The following RNF150 variants were observed in gnomAD, a reference collection of about 807,000 sequenced individuals.
RNF150 encodes the protein ring finger protein 150.
A neutral mutation model predicts 39.3 loss-of-function variants in RNF150; 24 were observed. The observed-to-expected ratio is 0.61, with a 90% CI of 0.44 to 0.86. The LOEUF (loss-of-function observed/expected upper bound fraction) is 0.86, where lower values mean the gene tolerates loss of function less well. Ranked by LOEUF, RNF150 falls within the 40% of genes least tolerant of loss-of-function variation. The pLI, the probability that RNF150 is intolerant of heterozygous loss-of-function variation, is 0.00. For synonymous variants in RNF150, 255 were observed against 227.3 expected, an observed-to-expected ratio of 1.12 and a Z score of -1.10; for missense variants, 502 against 587.8, an observed-to-expected ratio of 0.85 and a Z score of 1.51.
intron 1 of RNF150, among the ~76,000 whole-genome samples, chr4:141,189,798 C>T (rs946274405): frequency 6.6e-6 from 1 of 152,274 alleles, no homozygotes; most frequent in African/African-American, 2.4e-5. Context: ...GTGCTGGCAG[C>T]GAGAATTTCA....
chr4:141,100,632 A>G (rs1276141314), intron 1 of RNF150, among the ~76,000 whole-genome samples: 3 of 152,200 alleles, frequency 2.0e-5, no homozygotes, highest in Non-Finnish European at 2.9e-5. Context: ...TAAGGGTACT[A>G]TACAAAGAGG....
intron 4 of RNF150, among the ~76,000 whole-genome samples, chr4:140,932,143 C>T (rs1578980313): frequency 6.6e-6 from 1 of 152,186 alleles, no homozygotes; most frequent in African/African-American, 2.4e-5. Flanking sequence ...CACTCAGGTA[C>T]CTGAGAATCC....
intron 1 of RNF150, among the ~76,000 whole-genome samples, chr4:141,032,057 C>T (rs370495762): frequency 1.6e-4 from 24 of 150,044 alleles, no homozygotes; most frequent in African/African-American, 2.5e-4. Context: ...CATATATATA[C>T]ACACACACAC....
chr4:140,946,084 T>C (rs1031747033), intron 4 of RNF150, among the ~76,000 whole-genome samples: 5 of 152,350 alleles, frequency 3.3e-5, no homozygotes, highest in Non-Finnish European at 5.9e-5. Context: ...TGAAGGAAAT[T>C]ACCAAATCTT....
chr4:141,051,924 TG>T (rs903609926), intron 1 of RNF150, among the ~76,000 whole-genome samples: 50 of 152,232 alleles, frequency 3.3e-4, no homozygotes, highest in African/African-American at 1.1e-3. Context: ...TACCTGAGGC[TG>T]GGAAGAAAAA....
At chr4:141,017,677 C>T (rs1489951559) in intron 1 of RNF150, among the ~76,000 whole-genome samples, 1 of 152,192 alleles carries the variant, frequency 6.6e-6, no homozygotes, top group Admixed American at 6.5e-5. Flanking sequence ...TAAACACTTG[C>T]AACCACTGAT....
At chr4:141,157,940 A>G (rs1258166159) in intron 1 of RNF150, among the ~76,000 whole-genome samples, 1 of 152,144 alleles carries the variant, frequency 6.6e-6, no homozygotes, top group Non-Finnish European at 1.5e-5. Flanking sequence ...TCTTTCCATT[A>G]TCCCCTCCTA....
intron 1 of RNF150, among the ~76,000 whole-genome samples, chr4:141,085,854 G>A (rs976090178): frequency 2.0e-5 from 3 of 151,984 alleles, no homozygotes; most frequent in Non-Finnish European, 4.4e-5. Flanking sequence ...AGACACTAGA[G>A]GAAAGAAGTT....
upstream of RNF150, among the ~76,000 whole-genome samples, chr4:141,137,544 A>C (rs186437154): frequency 6.6e-4 from 101 of 152,344 alleles, 1 homozygote; most frequent in East Asian, 0.019. Context: ...GAATGGAGGA[A>C]TAGTCATTTT....
intron 1 of RNF150, among the ~76,000 whole-genome samples, chr4:140,971,961 A>G (rs1238927348): frequency 6.6e-6 from 1 of 152,020 alleles, no homozygotes; most frequent in Non-Finnish European, 1.5e-5. Flanking sequence ...AACCTCCTGT[A>G]TTCTTTTCTC....
At chr4:141,151,408 A>G (rs1466031640) in intron 1 of RNF150, among the ~76,000 whole-genome samples, 3 of 125,236 alleles carry the variant, frequency 2.4e-5, no homozygotes, top group Middle Eastern at 4.5e-3. Context: ...CCATCTCTAC[A>G]GACACACACA....
chr4:141,173,094 A>G (rs1727758650), intron 1 of RNF150, among the ~76,000 whole-genome samples: 1 of 152,162 alleles, frequency 6.6e-6, no homozygotes, highest in Admixed American at 6.6e-5. Flanking sequence ...TACTGAAGAC[A>G]TGGTTTTCAA....
At chr4:140,902,436 G>C (rs1730220794) in intron 6 of RNF150, among the ~76,000 whole-genome samples, 1 of 152,224 alleles carries the variant, frequency 6.6e-6, no homozygotes, top group Non-Finnish European at 1.5e-5. Flanking sequence ...CTGAAGCCAA[G>C]TATACCATGC....
chr4:140,874,821 C>A (rs1227010853), intron 6 of RNF150, among the ~76,000 whole-genome samples: 1 of 152,142 alleles, frequency 6.6e-6, no homozygotes, highest in East Asian at 1.9e-4. Flanking sequence ...TGTTGAGTAG[C>A]TGATTTTATT....
chr4:141,089,251 A>G (rs1413735623), intron 1 of RNF150, among the ~76,000 whole-genome samples: 1 of 127,874 alleles, frequency 7.8e-6, no homozygotes, highest in Non-Finnish European at 1.6e-5. Context: ...GCCTCTAGGA[A>G]TACGTCAAAT....
At chr4:141,187,711 C>T (rs889780634) in intron 1 of RNF150, among the ~76,000 whole-genome samples, 1 of 152,020 alleles carries the variant, frequency 6.6e-6, no homozygotes. Flanking sequence ...GGTAAATGTT[C>T]CTCTATCTCT....
intron 1 of RNF150, among the ~76,000 whole-genome samples, chr4:141,118,333 TTC>T (rs1471117648): frequency 6.6e-6 from 1 of 152,198 alleles, no homozygotes; most frequent in Non-Finnish European, 1.5e-5. Flanking sequence ...CCTGGGGTCC[TTC>T]TCTCTCAGGT....
chr4:140,961,578 C>A (rs549069962), intron 2 of RNF150, among the ~76,000 whole-genome samples: 1 of 152,208 alleles, frequency 6.6e-6, no homozygotes, highest in East Asian at 1.9e-4. Context: ...ATGACCTGTA[C>A]AGCTATAACT....
intron 5 of RNF150, among the ~76,000 whole-genome samples, chr4:140,919,127 A>G (rs1404379032): frequency 6.9e-6 from 1 of 145,718 alleles, no homozygotes; most frequent in Non-Finnish European, 1.5e-5. Flanking sequence ...AACTGGCACA[A>G]GACAGGGATG....
Sources: allele counts gnomAD v4.1 joint callset (sites outside exome capture counted in the v4.1 genomes callset), GRCh38; gene constraint gnomAD v4.1.1; transcripts MANE v1.5; gene names NCBI Gene and HGNC (gene_info 2026-07-23, HGNC 2026-07-21).